TMEM132D: variants seen among roughly 807,000 people sequenced by gnomAD.
The protein encoded by TMEM132D is transmembrane protein 132D.
Under a neutral mutation model 62.3 loss-of-function variants are expected in TMEM132D, and 21 were observed. The observed-to-expected ratio is 0.34, with a 90% CI of 0.24 to 0.49. TMEM132D has a LOEUF of 0.49. Among genes scored for constraint, TMEM132D ranks in the 20% least tolerant of loss-of-function variants. The pLI, the probability that TMEM132D is intolerant of heterozygous loss-of-function variation, is 0.99. For missense variants in TMEM132D, 1,346 were observed against 1,402.8 expected (o/e 0.96, Z 0.65); for synonymous variants, 621 against 575.6 (o/e 1.08, Z -1.13).
rs759077899 is a variant in TMEM132D at position 129,081,907 on chromosome 12, C to T, written c.1775G>A (p.Gly592Glu). The T allele has an allele frequency of 2.3e-5, 37 of 1,613,922 alleles. No individual in the cohort carries two copies. The highest frequency in any genetic ancestry group is 6.7e-5 in the African/African-American group (5 of 74,906). ...TGAGCCCAGCAGGTGGGCCAGGTGT[C>T]CCCCAGGGCCGGCCGCCTCAGCCAC... is the stretch of plus-strand genomic sequence containing the variant. ...QFVAEAAGPG[G>E]HLAHLLGSDW... Residue 592 changes from glycine (G) to glutamate (E), a missense_variant, in exon 7 of 9, where the codon GGA (glycine) becomes GAA (glutamate). Coordinates refer to ENST00000422113, the MANE Select transcript of TMEM132D (RefSeq NM_133448.3).
At chr12:129,863,753 A>C (rs888986217) in intron 1 of TMEM132D, among the ~76,000 whole-genome samples, 6 of 152,218 alleles carry the variant, frequency 3.9e-5, no homozygotes, top group Admixed American at 6.5e-5. Context: ...TGCTAGCATC[A>C]GAACATCTAG....
chr12:129,766,511 A>T (rs1468614850), intron 1 of TMEM132D, among the ~76,000 whole-genome samples: 1 of 152,218 alleles, frequency 6.6e-6, no homozygotes, highest in Non-Finnish European at 1.5e-5. Context: ...TTTTGAGCTG[A>T]AAGCACTTAA....
intron 2 of TMEM132D, among the ~76,000 whole-genome samples, chr12:129,607,654 C>T (rs155716): frequency 0.018 from 2,690 of 152,274 alleles, 92 homozygotes; most frequent in African/African-American, 0.062. Context: ...GCAGTTAACC[C>T]TTGACTGCAC....
At chr12:129,336,995 G>C (rs185180218) in intron 4 of TMEM132D, among the ~76,000 whole-genome samples, 2 of 152,100 alleles carry the variant, frequency 1.3e-5, no homozygotes, top group African/African-American at 4.8e-5. Context: ...GAGGCCCAGC[G>C]CCTCTCAAAT....
chr12:129,387,251 CTAA>C (rs113153609), intron 3 of TMEM132D, among the ~76,000 whole-genome samples: 34,623 of 127,910 alleles, frequency 0.27, 4,131 homozygotes, highest in Non-Finnish European at 0.3. Context: ...AATGCTAACA[CTAA>C]TAATAATACT....
intron 4 of TMEM132D, among the ~76,000 whole-genome samples, chr12:129,243,129 C>T (rs995174945): frequency 2.6e-5 from 4 of 152,216 alleles, no homozygotes; most frequent in Non-Finnish European, 2.9e-5. Flanking sequence ...TGTACACACA[C>T]GTGTGCACAC....
rs1190726512 is a variant in TMEM132D at position 129,547,373 on chromosome 12, G to C, written c.969-16168C>G. Among the ~76,000 whole-genome samples the C allele has an allele frequency of 3.3e-5, 5 of 152,120 alleles. No homozygotes were observed. In the East Asian group the frequency reaches 9.6e-4, roughly 29 times the overall value. ...CCTGCCTCGGCCTCCCAAGGTGCTG[G>C]GATTACAAGAGTGAGCCACGGTGCC... On this transcript the variant is annotated intron_variant, in intron 2 of 8. Coordinates refer to ENST00000422113, the MANE Select transcript of TMEM132D (RefSeq NM_133448.3).
intron 1 of TMEM132D, among the ~76,000 whole-genome samples, chr12:129,898,343 C>G (rs531266227): frequency 6.6e-6 from 1 of 152,056 alleles, no homozygotes; most frequent in Non-Finnish European, 1.5e-5. Context: ...AGAAAAAATA[C>G]CCATTTTTTT....
At chr12:129,079,582 G>A (rs1423599656) in intron 7 of TMEM132D, among the ~76,000 whole-genome samples, 1 of 152,120 alleles carries the variant, frequency 6.6e-6, no homozygotes, top group Middle Eastern at 3.2e-3. Flanking sequence ...GAAGAGATGG[G>A]CTTCATCCTC....
At chr12:129,469,613 G>T (rs577625464) in intron 3 of TMEM132D, among the ~76,000 whole-genome samples, 1 of 152,142 alleles carries the variant, frequency 6.6e-6, no homozygotes, top group Admixed American at 6.5e-5. Context: ...TCAGGTATAC[G>T]GCAGTGACCA....
intron 1 of TMEM132D, among the ~76,000 whole-genome samples, chr12:129,799,582 A>G (rs1481326448): frequency 6.6e-6 from 1 of 152,000 alleles, no homozygotes; most frequent in Non-Finnish European, 1.5e-5. Flanking sequence ...ATAGTGAGGC[A>G]CAGATGGTGT....
intron 2 of TMEM132D, among the ~76,000 whole-genome samples, chr12:129,697,168 T>C (rs992623271): frequency 6.6e-6 from 1 of 152,138 alleles, no homozygotes; most frequent in Admixed American, 6.5e-5. Flanking sequence ...GTCCATGATT[T>C]GCAAATGTGC....
At chr12:129,297,914 A>G (rs556266818) in intron 4 of TMEM132D, among the ~76,000 whole-genome samples, 1 of 152,202 alleles carries the variant, frequency 6.6e-6, no homozygotes, top group Non-Finnish European at 1.5e-5. Flanking sequence ...AGACAGAAAG[A>G]TCACTCTGGA....
chr12:129,738,166 A>G (rs1869487601), intron 1 of TMEM132D, among the ~76,000 whole-genome samples: 1 of 152,194 alleles, frequency 6.6e-6, no homozygotes. Context: ...CCAGGGTGAA[A>G]AAAATCAATG....
intron 2 of TMEM132D, among the ~76,000 whole-genome samples, chr12:129,615,497 T>C (rs1314762655): frequency 6.7e-6 from 1 of 148,654 alleles, no homozygotes; most frequent in African/African-American, 2.5e-5. Context: ...ACACCTGTAA[T>C]CCCAGCACTT....
At chr12:129,220,677 C>T (rs1879323265) in intron 4 of TMEM132D, among the ~76,000 whole-genome samples, 1 of 152,174 alleles carries the variant, frequency 6.6e-6, no homozygotes, top group African/African-American at 2.4e-5. Context: ...TGCTTCACCC[C>T]ATCTCCCAGC....
At chr12:129,411,378 T>C (rs1304327590) in intron 3 of TMEM132D, among the ~76,000 whole-genome samples, 2 of 152,116 alleles carry the variant, frequency 1.3e-5, no homozygotes, top group African/African-American at 4.8e-5. Flanking sequence ...GCTTGTTTTG[T>C]TTTGTTTTGA....
At chr12:129,327,237 TC>T in intron 4 of TMEM132D, among the ~76,000 whole-genome samples, 1 of 152,114 alleles carries the variant, frequency 6.6e-6, no homozygotes, top group African/African-American at 2.4e-5. Context: ...TTCCATGAAA[TC>T]CGTAAAGGAA....
chr12:129,409,128 T>C (rs1472564859), intron 3 of TMEM132D, among the ~76,000 whole-genome samples: 1 of 152,142 alleles, frequency 6.6e-6, no homozygotes, highest in Non-Finnish European at 1.5e-5. Flanking sequence ...ACACGGGGTT[T>C]CACCATGTTG....
Sources: gnomAD v4.1 joint callset for allele counts (sites outside exome capture counted in the v4.1 genomes callset) on GRCh38, gnomAD v4.1.1 for gene constraint, MANE v1.5 for transcripts, NCBI Gene and HGNC (gene_info 2026-07-23, HGNC 2026-07-21) for gene names.